The following HUWE1 variants were observed in gnomAD, a reference collection of about 807,000 sequenced individuals.
HUWE1 encodes HECT, UBA and WWE domain containing E3 ubiquitin protein ligase 1.
Under a neutral mutation model 299.4 loss-of-function variants are expected in HUWE1, and 18 were observed. The ratio of observed to expected loss-of-function variants is 0.06; its 90% confidence interval spans 0.04 to 0.09. The LOEUF is 0.09. HUWE1 is among the 10% of genes least tolerant of loss of function. The probability of loss-of-function intolerance (pLI) is 1.00; values close to 1 mark genes in which losing one functional copy is unlikely to be tolerated. For missense variants in HUWE1, 1,832 were observed against 3,462.3 expected, an observed-to-expected ratio of 0.53 and a Z score of 11.82; for synonymous variants, 1,317 against 1,286.1, an observed-to-expected ratio of 1.02 and a Z score of -0.51.
chrX:53,586,082 CT>C (rs1330108160), intron 39 of HUWE1, among the ~76,000 whole-genome samples: 1 of 112,354 alleles, frequency 8.9e-6, no homozygotes, highest in African/African-American at 3.2e-5. Context: ...TCTACAGCCC[CT>C]TATCTTGCCA....
chrX:53,562,269 G>A (rs2062328912), intron 53 of HUWE1, 25 bp from the exon 54 acceptor site: 2 of 1,205,005 alleles, frequency 1.7e-6, no homozygotes, highest in African/African-American at 1.7e-5. Flanking sequence ...GCACATTGGA[G>A]GACTAAACTG....
intron 3 of HUWE1, among the ~76,000 whole-genome samples, chrX:53,671,201 G>A (rs2069511107): frequency 1.8e-5 from 2 of 111,199 alleles, no homozygotes; most frequent in Non-Finnish European, 3.8e-5. Flanking sequence ...AGTGATGGGT[G>A]CACCAAAATC....
At chrX:53,638,335 G>T (rs1454049868) in intron 7 of HUWE1, among the ~76,000 whole-genome samples, 2 of 110,445 alleles carry the variant, frequency 1.8e-5, no homozygotes, top group African/African-American at 6.6e-5. Context: ...GCGAGACTCC[G>T]TCTCAAAAAA....
rs1240965671 is a variant in HUWE1 at position 53,539,756 on chromosome X, G to A, written c.11533C>T (p.Pro3845Ser). 1 of 1,209,484 alleles carries A rather than the reference G, an allele frequency of 8.3e-7. No individual in the cohort carries two copies. The highest frequency in any genetic ancestry group is 1.7e-5 in the African/African-American group (1 of 57,232). Residue 3845 changes from proline to serine, a missense_variant, in exon 75 of 84, where the codon CCC (proline) becomes TCC (serine). By Grantham distance (74) the Pro-to-Ser change is moderately conservative. Coordinates refer to ENST00000262854, the MANE Select transcript of HUWE1 (RefSeq NM_031407.7). Reference protein sequence around the residue: ...KEKEERPPELPLLSEQLSLDE... With the variant: ...KEKEERPPELSLLSEQLSLDE... ...AAACTCAGCTGCTCGCTGAGCAGGGGTAACTCAGGTGGTCTTTCTTCCTTT... is the reference window on the plus strand; with the variant it reads ...AAACTCAGCTGCTCGCTGAGCAGGGATAACTCAGGTGGTCTTTCTTCCTTT...
intron 56 of HUWE1, 90 bp from the exon 57 acceptor site, chrX:53,559,622 A>G (rs2062192767): frequency 1.3e-6 from 1 of 756,027 alleles, no homozygotes; most frequent in Admixed American, 2.6e-5. Context: ...TGCATCCTCT[A>G]TTAAATGCAG....
At chrX:53,552,214 A>G in intron 63 of HUWE1, 97 bp downstream of exon 63, 1 of 1,026,525 alleles carries the variant, frequency 9.7e-7, no homozygotes. Flanking sequence ...CATGCCCTCC[A>G]TCTAAATGGA....
chrX:53,674,396 G>C (rs1157954203), intron 3 of HUWE1, among the ~76,000 whole-genome samples: 1 of 111,393 alleles, frequency 9.0e-6, no homozygotes, highest in East Asian at 2.8e-4. Flanking sequence ...TAAAATGGAT[G>C]AAAAAAATCC....
intron 43 of HUWE1, chrX:53,579,764 GTCA>G: frequency 1.0e-5 from 1 of 100,067 alleles, no homozygotes; most frequent in African/African-American, 3.7e-5. Flanking sequence ...CTCGTTAAGA[GTCA>G]TCACCACTCC....
chrX:53,666,278 G>A (rs1364721623), intron 3 of HUWE1, among the ~76,000 whole-genome samples: 6 of 110,696 alleles, frequency 5.4e-5, no homozygotes, highest in African/African-American at 2.0e-4. Context: ...CCAGCCTTGA[G>A]AGCCATGGCA....
At chrX:53,663,217 T>C (rs1371061649) in intron 3 of HUWE1, among the ~76,000 whole-genome samples, 2 of 112,136 alleles carry the variant, frequency 1.8e-5, no homozygotes, top group Non-Finnish European at 3.8e-5. Context: ...TAAAAACCTC[T>C]TCTGAAAATG....
intron 66 of HUWE1, among the ~76,000 whole-genome samples, chrX:53,550,277 T>C (rs1376385115): frequency 9.0e-6 from 1 of 111,566 alleles, no homozygotes; most frequent in Admixed American, 9.5e-5. Flanking sequence ...CCTTTCACAT[T>C]TTGGCATGTC....
chrX:53,577,851 T>A (rs1417189674), intron 43 of HUWE1, among the ~76,000 whole-genome samples: 1 of 113,867 alleles, frequency 8.8e-6, no homozygotes, highest in Non-Finnish European at 1.9e-5. Flanking sequence ...TGGAGTGCAG[T>A]GGCGTGATCT....
chrX:53,581,834 T>C (rs1255718250), intron 42 of HUWE1, among the ~76,000 whole-genome samples: 1 of 111,862 alleles, frequency 8.9e-6, no homozygotes, highest in African/African-American at 3.3e-5. Flanking sequence ...TGCTGGACAT[T>C]AGACCTCTAG....
intron 19 of HUWE1, 34 bp downstream of exon 19, chrX:53,624,561 C>T: frequency 1.0e-6 from 1 of 985,291 alleles, no homozygotes; most frequent in Non-Finnish European, 1.5e-6. Context: ...CAGGTTATCC[C>T]AAATTGTTAT....
intron 29 of HUWE1, among the ~76,000 whole-genome samples, chrX:53,596,204 T>C (rs1462917666): frequency 8.9e-6 from 1 of 112,022 alleles, no homozygotes; most frequent in East Asian, 2.8e-4. Context: ...CAGCTGACGC[T>C]TGATCAACAC....
In HUWE1 at chrX:53,647,711, A is replaced by G. The variant is rs2068150239; in HGVS notation, c.145-137T>C. ...CACGTCCCACCCTTGCCCATATGAG[A>G]AAGATCATACTCTGAGCTAAAAGTG... On this transcript the variant is annotated intron_variant, in intron 5 of 83. Transcript: ENST00000262854. 1.7e-5 allele frequency: 9 copies of G among 539,121 alleles called. No individual in the cohort carries two copies. The Admixed American group carries it at 2.3e-4, about 14-fold the overall frequency. 44.4% of individuals were successfully genotyped at this position (539,121 alleles called of 1,213,427 possible).
In HUWE1 at chrX:53,614,570, T is replaced by G; in HGVS notation, c.2225A>C (p.Asn742Thr). The part of the protein sequence containing the change: ...EEEVQAMQSF[N>T]STQQNETEPN... ...CTCAGTTTCATTTTGCTGGGTAGAA[T>G]TAAAGCTCTGCATGGCCTGTACTTC... Residue 742 changes from asparagine (N) to threonine (T), a missense_variant, in exon 23 of 84, where the codon AAT (asparagine) becomes ACT (threonine). Asn to Thr is a moderately conservative substitution (Grantham distance 65). Around this residue, in one of 15 missense-constraint regions of HUWE1, gnomAD observed 658 missense variants for 1,282.6 expected, o/e 0.51. Coordinates refer to ENST00000262854, the MANE Select transcript of HUWE1 (RefSeq NM_031407.7). The G allele has an allele frequency of 8.3e-7, 1 of 1,210,856 alleles. No homozygotes were observed. Among genetic ancestry groups the G allele is most frequent in the Admixed American group, 2.2e-5 (1 of 46,037 alleles).
At chrX:53,596,871 G>A (rs781817692) in intron 29 of HUWE1, among the ~76,000 whole-genome samples, 3 of 112,234 alleles carry the variant, frequency 2.7e-5, no homozygotes, top group African/African-American at 6.5e-5. Context: ...CACCACTTCA[G>A]GAAAAATGAA....
rs182157061 is a variant in HUWE1 at position 53,540,609 on chromosome X, G to T, written c.11477-797C>A. On this transcript the variant is annotated intron_variant, in intron 74 of 83. Transcript: ENST00000262854. Reference sequence around the variant, plus strand: ...CCCAAAGTGCTGGGATTAGAGGCGTGAGCCACCACGCCCGGCCTTCTAATG... The same window carrying T: ...CCCAAAGTGCTGGGATTAGAGGCGTTAGCCACCACGCCCGGCCTTCTAATG... Among the ~76,000 whole-genome samples, 44 of 112,347 alleles carry T rather than the reference G, an allele frequency of 3.9e-4. No individual in the cohort carries two copies. In the East Asian group the frequency reaches 0.012, roughly 32 times the overall value.
Sources: gnomAD v4.1 joint callset for allele counts (sites outside exome capture counted in the v4.1 genomes callset) on GRCh38, gnomAD v4.1.1 for gene constraint, gnomAD v4.1.1 regional missense constraint, MANE v1.5 for transcripts, NCBI Gene and HGNC (gene_info 2026-07-23, HGNC 2026-07-21) for gene names.